Variants in RIMS1 observed in about 807,000 individuals in gnomAD.
The protein encoded by RIMS1 is regulating synaptic membrane exocytosis 1.
Under a neutral mutation model 214.1 loss-of-function variants are expected in RIMS1, and 83 were observed. That is an observed-to-expected ratio of 0.39 (90% CI 0.32 to 0.47). RIMS1 has a LOEUF of 0.47. Among genes scored for constraint, RIMS1 ranks in the 20% least tolerant of loss-of-function variants. RIMS1 has a pLI of 0.99. For synonymous variants in RIMS1, 793 were observed against 786.8 expected, an observed-to-expected ratio of 1.01 and a Z score of -0.13; for missense variants, 2,050 against 2,161.8, an observed-to-expected ratio of 0.95 and a Z score of 1.03.
At chr6:72,303,299 A>C (rs531474506) in intron 26 of RIMS1, among the ~76,000 whole-genome samples, 4 of 150,832 alleles carry the variant, frequency 2.7e-5, no homozygotes, top group African/African-American at 9.7e-5. Context: ...TTTTAATAAT[A>C]TGAAAGGGAT....
intron 1 of RIMS1, among the ~76,000 whole-genome samples, chr6:71,951,625 G>T (rs1789596250): frequency 6.7e-6 from 1 of 150,326 alleles, no homozygotes; most frequent in African/African-American, 2.5e-5. Flanking sequence ...TAAGTAGCTA[G>T]GTAGGACCAC....
At chr6:72,267,555 T>C (rs1474956738) in intron 22 of RIMS1, among the ~76,000 whole-genome samples, 2 of 152,142 alleles carry the variant, frequency 1.3e-5, no homozygotes, top group Admixed American at 1.3e-4. Flanking sequence ...TATTTTGCAC[T>C]CCCTTTTTTA....
intron 1 of RIMS1, among the ~76,000 whole-genome samples, chr6:71,963,437 GTTC>G (rs1793536164): frequency 6.6e-6 from 1 of 152,052 alleles, no homozygotes; most frequent in Non-Finnish European, 1.5e-5. Context: ...ATATGTAGAA[GTTC>G]TTCTTATTTT....
chr6:72,388,940 G>A (rs1043583050), intron 29 of RIMS1, among the ~76,000 whole-genome samples: 18 of 152,142 alleles, frequency 1.2e-4, no homozygotes, highest in Admixed American at 5.9e-4. Context: ...TTGGATTAAT[G>A]ACTTCAGCAT....
chr6:71,928,101 C>T (rs1176251411), intron 1 of RIMS1, among the ~76,000 whole-genome samples: 2 of 152,026 alleles, frequency 1.3e-5, no homozygotes, highest in African/African-American at 2.4e-5. Flanking sequence ...AACTCTTTGC[C>T]CTGCCCCAAT....
chr6:71,978,054 C>T (rs1313124061), intron 2 of RIMS1, among the ~76,000 whole-genome samples: 1 of 152,060 alleles, frequency 6.6e-6, no homozygotes, highest in Non-Finnish European at 1.5e-5. Flanking sequence ...TGGAATTTGG[C>T]CACATGCCAA....
At chr6:72,096,902 GT>G (rs1338675714) in intron 2 of RIMS1, 46 bp from the exon 3 acceptor site, 2 of 1,469,002 alleles carry the variant, frequency 1.4e-6, no homozygotes, top group African/African-American at 2.8e-5. Context: ...TCTTGGTTTT[GT>G]CTTCCACTAT....
intron 29 of RIMS1, among the ~76,000 whole-genome samples, chr6:72,386,744 T>C (rs1193321616): frequency 6.7e-6 from 1 of 148,212 alleles, no homozygotes; most frequent in Non-Finnish European, 1.5e-5. Flanking sequence ...TTTTTTTTTT[T>C]TTTTTTTGAG....
intron 2 of RIMS1, among the ~76,000 whole-genome samples, chr6:71,996,328 ATCTATG>A (rs1206633773): frequency 6.6e-6 from 1 of 152,208 alleles, no homozygotes; most frequent in Non-Finnish European, 1.5e-5. Flanking sequence ...TATAAATAGC[ATCTATG>A]TCTAAGTTCA....
chr6:72,074,107 A>G (rs189426079), intron 2 of RIMS1, among the ~76,000 whole-genome samples: 7 of 152,282 alleles, frequency 4.6e-5, no homozygotes, highest in Admixed American at 4.6e-4. Flanking sequence ...GGAACCTTTA[A>G]GTCTCATACA....
chr6:71,971,653 G>T (rs192566898), intron 2 of RIMS1, among the ~76,000 whole-genome samples: 1 of 152,152 alleles, frequency 6.6e-6, no homozygotes, highest in Non-Finnish European at 1.5e-5. Context: ...GTTCCACATG[G>T]CTGGGGAGGT....
chr6:72,392,831 C>G, intron 31 of RIMS1, 21 bp downstream of exon 31: 1 of 1,407,454 alleles, frequency 7.1e-7, no homozygotes, highest in Non-Finnish European at 1.0e-6. Flanking sequence ...TTTTTTTTTT[C>G]TACAAGAAAA....
At chr6:72,272,768 T>C (rs990968725) in intron 22 of RIMS1, among the ~76,000 whole-genome samples, 21 of 152,224 alleles carry the variant, frequency 1.4e-4, no homozygotes, top group Middle Eastern at 3.4e-3. Flanking sequence ...TGTTTCCAAA[T>C]AACACCAAAA....
At chr6:72,067,214 C>A (rs1302330960) in intron 2 of RIMS1, among the ~76,000 whole-genome samples, 1 of 152,180 alleles carries the variant, frequency 6.6e-6, no homozygotes, top group East Asian at 1.9e-4. Flanking sequence ...TCTCATCCCA[C>A]TAAGCATAAA....
At chr6:71,943,079 G>A (rs750619777) in intron 1 of RIMS1, among the ~76,000 whole-genome samples, 1 of 151,948 alleles carries the variant, frequency 6.6e-6, no homozygotes, top group Admixed American at 6.6e-5. Flanking sequence ...CACATACCAT[G>A]GTTACTACTA....
rs781577621 is a variant in RIMS1 at position 72,313,662 on chromosome 6, G to A, written c.4120G>A (p.Gly1374Ser). The A allele has an allele frequency of 3.7e-6, 6 of 1,611,870 alleles. No individual in the cohort carries two copies. Among genetic ancestry groups the A allele is most frequent in the Non-Finnish European group, 4.2e-6 (5 of 1,178,890 alleles). ...FMSEQSERPR[G>S]RISSFTPKMQ... ...GTCAGAGCAATCTGAGCGCCCCAGG[G>A]GTAGAATCAGGTGAGTTGGCAATAC... The change falls in exon 28 of 34, where the codon GGT (glycine) becomes AGT (serine). Residue 1374 changes from glycine to serine, a missense_variant. This residue lies in a region of RIMS1 where 889 missense variants were observed against 885.5 expected (regional missense o/e 1.00). Transcript: ENST00000521978.
chr6:72,328,132 G>A (rs977313773), intron 28 of RIMS1, among the ~76,000 whole-genome samples: 4 of 151,836 alleles, frequency 2.6e-5, no homozygotes, highest in Non-Finnish European at 5.9e-5. Context: ...AGCCATAAAA[G>A]GGTGAATTCA....
intron 27 of RIMS1, among the ~76,000 whole-genome samples, chr6:72,311,379 A>C (rs1421608787): frequency 6.6e-6 from 1 of 152,240 alleles, no homozygotes; most frequent in Non-Finnish European, 1.5e-5. Context: ...AACAGATCTG[A>C]TTAAAATGAA....
intron 28 of RIMS1, among the ~76,000 whole-genome samples, chr6:72,330,424 T>C (rs928872785): frequency 6.6e-6 from 1 of 151,782 alleles, no homozygotes; most frequent in Non-Finnish European, 1.5e-5. Context: ...TAAAGATGGG[T>C]TATAGCACAG....
Sources: allele counts gnomAD v4.1 joint callset (sites outside exome capture counted in the v4.1 genomes callset), GRCh38; gene constraint gnomAD v4.1.1; regional missense constraint gnomAD v4.1.1; transcripts MANE v1.5; gene names NCBI Gene and HGNC (gene_info 2026-07-23, HGNC 2026-07-21).